The following SLC9A3 variants were observed in gnomAD, a reference collection of about 807,000 sequenced individuals.
The protein encoded by SLC9A3 is sodium/hydrogen exchanger 3.
In SLC9A3, 37 loss-of-function variants were observed where a neutral mutation model predicts 86.8. The ratio of observed to expected loss-of-function variants is 0.43; its 90% CI spans 0.33 to 0.56. SLC9A3 has a LOEUF of 0.56. SLC9A3 is among the 20% of genes least tolerant of loss of function. The pLI is 0.06. For missense variants in SLC9A3, 1,011 were observed against 1,171.9 expected, an observed-to-expected ratio of 0.86 and a Z score of 2.00; for synonymous variants, 581 against 528.3, an observed-to-expected ratio of 1.10 and a Z score of -1.37.
At chr5:519,625 G>C (rs369375309) in intron 1 of SLC9A3, among the ~76,000 whole-genome samples, 1 of 152,166 alleles carries the variant, frequency 6.6e-6, no homozygotes, top group Non-Finnish European at 1.5e-5. Flanking sequence ...GTCAAGTGTC[G>C]GGTGAGGACG....
At chr5:490,647 T>C (rs562459858) in intron 2 of SLC9A3, among the ~76,000 whole-genome samples, 133 of 152,270 alleles carry the variant, frequency 8.7e-4, no homozygotes, top group Non-Finnish European at 1.5e-3. Context: ...CGAGGGGCCA[T>C]CTGGCAAGGT....
intron 1 of SLC9A3, among the ~76,000 whole-genome samples, chr5:520,264 G>A (rs894846449): frequency 6.6e-6 from 1 of 152,158 alleles, no homozygotes; most frequent in Non-Finnish European, 1.5e-5. Flanking sequence ...GACCCAGCTG[G>A]GCCTAGAATC....
chr5:520,882 C>G (rs970436146), intron 1 of SLC9A3, among the ~76,000 whole-genome samples: 2 of 152,300 alleles, frequency 1.3e-5, no homozygotes, highest in South Asian at 4.1e-4. Flanking sequence ...AGAGGAAGCC[C>G]AGGAAGGAAG....
At chr5:520,467 C>T (rs571980894) in intron 1 of SLC9A3, among the ~76,000 whole-genome samples, 43 of 152,242 alleles carry the variant, frequency 2.8e-4, no homozygotes, top group Non-Finnish European at 4.3e-4. Context: ...ACTGATGACC[C>T]TGTGACATCC....
At chr5:485,383 G>C in intron 3 of SLC9A3, 152 bp from the exon 4 acceptor site, 1 of 691,922 alleles carries the variant, frequency 1.4e-6, no homozygotes, top group South Asian at 1.6e-5. Flanking sequence ...GGCCCCCAAA[G>C]GGGAGAAGCC....
intron 1 of SLC9A3, among the ~76,000 whole-genome samples, chr5:522,937 C>G (rs568554429): frequency 5.9e-5 from 9 of 152,006 alleles, no homozygotes; most frequent in South Asian, 2.1e-4. Flanking sequence ...GAGACTCCCC[C>G]CCGGCCAGCA....
Position 475,051 on chromosome 5 carries a change from C to T in SLC9A3, c.2333G>A (p.Gly778Glu). 1 of 1,612,254 alleles carries T rather than the reference C, an allele frequency of 6.2e-7. No homozygotes were observed. The highest frequency in any genetic ancestry group is 1.3e-5 in the African/African-American group (1 of 74,962). The change falls in exon 16 of 17, where the codon GGG becomes GAG. Residue 778 changes from glycine (G) to glutamate (E), a missense_variant. Physicochemically the swap from Gly to Glu is moderately conservative, Grantham distance 98. Coordinates refer to ENST00000264938, the MANE Select transcript of SLC9A3 (RefSeq NM_004174.4). Reference sequence around the variant, plus strand: ...CCTCTGCGAGGGGACCACCGTCTCCCCGGGAGACAGCCAGGGCGGCAGCCT... The same window carrying T: ...CCTCTGCGAGGGGACCACCGTCTCCTCGGGAGACAGCCAGGGCGGCAGCCT... ...LARLPPWLSPGETVVPSQRAR... is the reference protein window; with the variant it reads ...LARLPPWLSPEETVVPSQRAR...
intron 1 of SLC9A3, among the ~76,000 whole-genome samples, chr5:523,352 C>G (rs1344687359): frequency 6.6e-6 from 1 of 152,076 alleles, no homozygotes; most frequent in Admixed American, 6.5e-5. Flanking sequence ...CCTGCCGCGG[C>G]GCCTGCTGCT....
intron 1 of SLC9A3, among the ~76,000 whole-genome samples, chr5:504,533 A>G (rs1740456202): frequency 6.6e-6 from 1 of 152,136 alleles, no homozygotes; most frequent in Non-Finnish European, 1.5e-5. Flanking sequence ...GGACCTTCAG[A>G]CCACACAGCA....
Position 474,976 on chromosome 5 carries a change from G to A in SLC9A3, c.2408C>T (p.Pro803Leu). ...CACGGACTTGCTGCTGAGGCGGAAG[G>A]GCATCAGGCGGCAGAAGGTGCCGGG... Reference protein sequence around the residue: ...YSPGTFCRLMPFRLSSKSVDS... With the variant: ...YSPGTFCRLMLFRLSSKSVDS... Residue 803 changes from proline (P) to leucine (L), a missense_variant, in exon 16 of 17, where the codon CCC becomes CTC. By Grantham distance (98) the Pro-to-Leu change is moderately conservative (BLOSUM62 -3). This residue lies in a region of SLC9A3 where 397 missense variants were observed against 346.3 expected (regional missense o/e 1.15). Coordinates refer to ENST00000264938, the MANE Select transcript of SLC9A3 (RefSeq NM_004174.4). The A allele has an allele frequency of 6.2e-7, 1 of 1,611,440 alleles. No individual in the cohort carries two copies. Among genetic ancestry groups the A allele is most frequent in the Non-Finnish European group, 8.5e-7 (1 of 1,179,256 alleles).
chr5:480,363 C>G (rs1358193841), intron 9 of SLC9A3: 2 of 172,456 alleles, frequency 1.2e-5, no homozygotes, highest in Admixed American at 1.1e-4. Flanking sequence ...TTTTTTTAGC[C>G]TAACGGAATT....
In SLC9A3 at chr5:516,112, C is replaced by T. The variant is rs149879509; in HGVS notation, c.211+8000G>A. On this transcript the variant is annotated intron_variant, in intron 1 of 16. Coordinates refer to ENST00000264938, the MANE Select transcript of SLC9A3 (RefSeq NM_004174.4). Reference sequence around the variant, plus strand: ...TCCACACTTTTTGCCTCGGGCACTTCGCTCTGGCTATCCCTTCCCTGGACA... The same window carrying T: ...TCCACACTTTTTGCCTCGGGCACTTTGCTCTGGCTATCCCTTCCCTGGACA... Among the ~76,000 whole-genome samples, 5 of 145,626 alleles carry T rather than the reference C, an allele frequency of 3.4e-5. 1 individual carries two copies. In the East Asian group the frequency reaches 8.1e-4, roughly 23 times the overall value.
At chr5:501,333 C>T (rs1307628965) in intron 1 of SLC9A3, among the ~76,000 whole-genome samples, 10 of 152,294 alleles carry the variant, frequency 6.6e-5, no homozygotes, top group East Asian at 3.9e-4. Flanking sequence ...GAGATTCAGC[C>T]GAGTCCACAA....
intron 7 of SLC9A3, 37 bp from the exon 8 acceptor site, chr5:482,194 G>GC (rs754063798): frequency 1.6e-5 from 24 of 1,503,242 alleles, no homozygotes; most frequent in Admixed American, 1.4e-4. Flanking sequence ...GTGCCAGGCA[G>GC]CCCCCCACAT....
At chr5:523,417 G>A (rs1356512212) in intron 1 of SLC9A3, among the ~76,000 whole-genome samples, 5 of 151,776 alleles carry the variant, frequency 3.3e-5, no homozygotes, top group Non-Finnish European at 7.4e-5. Flanking sequence ...CTCCACACGA[G>A]TGACCACCTC....
At chr5:488,014 G>A (rs6888815) in intron 3 of SLC9A3, among the ~76,000 whole-genome samples, 2,497 of 152,356 alleles carry the variant, frequency 0.016, 69 homozygotes, top group African/African-American at 0.054. Context: ...AGTAACTGTG[G>A]GTCCAAAGTC....
At chr5:483,785 C>T (rs575985319) in intron 5 of SLC9A3, among the ~76,000 whole-genome samples, 19 of 152,380 alleles carry the variant, frequency 1.2e-4, no homozygotes, top group Admixed American at 9.1e-4. Flanking sequence ...GCACTGCTGT[C>T]GGCCCACAGA....
chr5:475,750 T>A, intron 14 of SLC9A3, 79 bp from the exon 15 acceptor site: 1 of 851,054 alleles, frequency 1.2e-6, no homozygotes, highest in Non-Finnish European at 1.9e-6. Flanking sequence ...GTCCATCAGC[T>A]CTGTGCACAG....
chr5:488,905 T>G (rs1739594713), intron 2 of SLC9A3, among the ~76,000 whole-genome samples: 1 of 146,786 alleles, frequency 6.8e-6, no homozygotes, highest in African/African-American at 2.5e-5. Flanking sequence ...GAGGGGCAGG[T>G]GGGAGGGCCG....
Sources: gnomAD v4.1 joint callset for allele counts (sites outside exome capture counted in the v4.1 genomes callset) on GRCh38, gnomAD v4.1.1 for gene constraint, gnomAD v4.1.1 regional missense constraint, MANE v1.5 for transcripts, NCBI Gene and HGNC (gene_info 2026-07-23, HGNC 2026-07-21) for gene names.